Variants in SFXN5 observed in about 807,000 individuals in gnomAD.
SFXN5 encodes the protein sideroflexin 5.
A neutral mutation model predicts 50.2 loss-of-function variants in SFXN5; 43 were observed. The ratio of observed to expected loss-of-function variants is 0.86; its 90% CI spans 0.67 to 1.11. The LOEUF is 1.11. Ranked by LOEUF, SFXN5 falls within the 50% of genes least tolerant of loss-of-function variation. The probability of loss-of-function intolerance (pLI) is 0.00; values close to 1 mark genes in which losing one functional copy is unlikely to be tolerated. For missense variants in SFXN5, 463 were observed against 454.1 expected (o/e 1.02, Z -0.18); for synonymous variants, 203 against 185.8 (o/e 1.09, Z -0.75).
intron 10 of SFXN5, among the ~76,000 whole-genome samples, chr2:72,974,498 C>A (rs1288223157): frequency 1.3e-5 from 2 of 152,150 alleles, no homozygotes; most frequent in African/African-American, 2.4e-5. Flanking sequence ...AGAGAAAACC[C>A]TAAAAGTCAT....
intron 2 of SFXN5, among the ~76,000 whole-genome samples, chr2:73,051,681 C>T (rs1231147047): frequency 1.3e-5 from 2 of 152,144 alleles, no homozygotes; most frequent in African/African-American, 2.4e-5. Context: ...TGTTGTAGTC[C>T]GTCTGTGCTG....
chr2:72,957,020 C>T (rs1211040211), intron 13 of SFXN5: 1 of 456,676 alleles, frequency 2.2e-6, no homozygotes, highest in Non-Finnish European at 4.4e-6. Flanking sequence ...TCGCCCAAGT[C>T]CTCAGCTTCC....
intron 6 of SFXN5, among the ~76,000 whole-genome samples, chr2:73,006,622 T>C (rs1459615538): frequency 6.9e-6 from 1 of 144,924 alleles, no homozygotes; most frequent in East Asian, 2.0e-4. Flanking sequence ...AAGAGCGAGA[T>C]TATCTCAAAA....
intron 2 of SFXN5, among the ~76,000 whole-genome samples, chr2:73,054,680 G>A (rs941914506): frequency 6.6e-6 from 1 of 152,180 alleles, no homozygotes; most frequent in Non-Finnish European, 1.5e-5. Context: ...CCTCTACCAT[G>A]TCTCAATATG....
intron 12 of SFXN5, among the ~76,000 whole-genome samples, chr2:72,966,566 C>T (rs1320280018): frequency 6.6e-6 from 1 of 152,182 alleles, no homozygotes; most frequent in East Asian, 1.9e-4. Context: ...CTCAGGTACC[C>T]CCAGAGCCTC....
At chr2:73,014,849 C>A (rs1371987650) in intron 6 of SFXN5, among the ~76,000 whole-genome samples, 1 of 152,024 alleles carries the variant, frequency 6.6e-6, no homozygotes, top group Non-Finnish European at 1.5e-5. Flanking sequence ...GTATACTTGT[C>A]TTACATCCAG....
intron 6 of SFXN5, among the ~76,000 whole-genome samples, chr2:73,003,132 C>A (rs747677054): frequency 1.2e-5 from 1 of 83,802 alleles, no homozygotes; most frequent in Non-Finnish European, 2.4e-5. Flanking sequence ...CTGAGCCTAG[C>A]GGGGGTGGGG....
chr2:72,969,668 T>C (rs1328759446), intron 11 of SFXN5, among the ~76,000 whole-genome samples: 1 of 151,964 alleles, frequency 6.6e-6, no homozygotes, highest in Non-Finnish European at 1.5e-5. Flanking sequence ...ATGCTGGGAT[T>C]ACAGGTGTGA....
At chr2:72,968,777 CTT>C (rs1573987120) in intron 11 of SFXN5, among the ~76,000 whole-genome samples, 1 of 151,614 alleles carries the variant, frequency 6.6e-6, no homozygotes, top group East Asian at 1.9e-4. Context: ...TTTCCTCTCT[CTT>C]TCTTTCTTTC....
intron 2 of SFXN5, among the ~76,000 whole-genome samples, chr2:73,052,874 GC>G (rs1434300767): frequency 5.3e-5 from 8 of 152,142 alleles, no homozygotes; most frequent in Non-Finnish European, 8.8e-5. Context: ...GAGACTCATA[GC>G]CCTTCAAGAT....
At chr2:72,976,826 G>A (rs1670667879) in intron 10 of SFXN5, among the ~76,000 whole-genome samples, 1 of 152,168 alleles carries the variant, frequency 6.6e-6, no homozygotes, top group Non-Finnish European at 1.5e-5. Context: ...CAGCATTCAA[G>A]ATCGATTTAG....
intron 11 of SFXN5, among the ~76,000 whole-genome samples, chr2:72,970,621 C>G (rs568956572): frequency 6.6e-6 from 1 of 151,834 alleles, no homozygotes; most frequent in Non-Finnish European, 1.5e-5. Flanking sequence ...GGCAGCAAGA[C>G]GAGCCACTAA....
chr2:73,002,911 C>A (rs1456201557), intron 6 of SFXN5, among the ~76,000 whole-genome samples: 1 of 152,190 alleles, frequency 6.6e-6, no homozygotes, highest in African/African-American at 2.4e-5. Flanking sequence ...AGAAAATGAT[C>A]CCCTTTGGGG....
At chr2:72,978,815 G>GTT (rs370223450) in intron 10 of SFXN5, among the ~76,000 whole-genome samples, 1 of 149,512 alleles carries the variant, frequency 6.7e-6, no homozygotes. Flanking sequence ...GCCCAGATCT[G>GTT]TTTTTTTTTT....
intron 2 of SFXN5, among the ~76,000 whole-genome samples, chr2:73,047,137 T>C (rs1464216583): frequency 7.7e-5 from 11 of 142,238 alleles, no homozygotes; most frequent in East Asian, 2.0e-4. Flanking sequence ...AGGCAGAGAA[T>C]TGCTTGAACC....
intron 2 of SFXN5, among the ~76,000 whole-genome samples, chr2:73,056,159 A>G (rs1402602966): frequency 6.6e-6 from 1 of 152,114 alleles, no homozygotes; most frequent in Non-Finnish European, 1.5e-5. Flanking sequence ...AAATAAAAAT[A>G]AATAATATTT....
intron 10 of SFXN5, among the ~76,000 whole-genome samples, chr2:72,977,993 G>A (rs990629162): frequency 1.7e-4 from 18 of 106,888 alleles, no homozygotes; most frequent in South Asian, 6.7e-4. Context: ...AAAAAAGAAA[G>A]AAAGAATAAG....
At chr2:72,972,402 T>G (rs1159762720) in intron 10 of SFXN5, among the ~76,000 whole-genome samples, 1 of 152,244 alleles carries the variant, frequency 6.6e-6, no homozygotes, top group Non-Finnish European at 1.5e-5. Flanking sequence ...TTCTCCATTC[T>G]TGCTTCCTAT....
At position 73,026,075 on chromosome 2, in the gene SFXN5, C is replaced by T. The variant is rs1005313797; in HGVS notation, c.250-2861G>A. Among the ~76,000 whole-genome samples the T allele has an allele frequency of 2.0e-5, 3 of 151,658 alleles. No individual in the cohort carries two copies. The South Asian group carries it at 6.2e-4, about 31-fold the overall frequency. Reference sequence around the variant, plus strand: ...GCTGGATTCGTGGACAGGCCATCAGCGCAATGCTGAGAAGGAGGTCCCATT... The same window carrying T: ...GCTGGATTCGTGGACAGGCCATCAGTGCAATGCTGAGAAGGAGGTCCCATT... On this transcript the variant is annotated intron_variant, in intron 3 of 13. Transcript: ENST00000272433.
Sources: allele counts gnomAD v4.1 joint callset (sites outside exome capture counted in the v4.1 genomes callset), GRCh38; gene constraint gnomAD v4.1.1; transcripts MANE v1.5; gene names NCBI Gene and HGNC (gene_info 2026-07-23, HGNC 2026-07-21).